ADAM18: variants seen among roughly 807,000 people sequenced by gnomAD.
The protein encoded by ADAM18 is ADAM metallopeptidase domain 18, also known as disintegrin and metalloproteinase domain-containing protein 18.
A neutral mutation model predicts 94.4 loss-of-function variants in ADAM18; 117 were observed. The observed-to-expected ratio is 1.24, with a 90% CI of 1.07 to 1.45. ADAM18 has a LOEUF of 1.45. Ranked by LOEUF, ADAM18 falls within the 40% of genes most tolerant of loss-of-function variation. The probability of loss-of-function intolerance (pLI) is 0.00; values close to 1 mark genes in which losing one functional copy is unlikely to be tolerated. For missense variants in ADAM18, 936 were observed against 880.0 expected (o/e 1.06, Z -0.81); for synonymous variants, 327 against 291.6 (o/e 1.12, Z -1.24).
At chr8:39,647,299 A>G (rs1005681385) in intron 11 of ADAM18, among the ~76,000 whole-genome samples, 4 of 151,962 alleles carry the variant, frequency 2.6e-5, no homozygotes, top group Admixed American at 2.0e-4. Context: ...GAGAGGTACT[A>G]TGCCTGGATG....
chr8:39,656,700 A>G (rs1820693569), intron 12 of ADAM18, among the ~76,000 whole-genome samples: 1 of 152,202 alleles, frequency 6.6e-6, no homozygotes, highest in Non-Finnish European at 1.5e-5. Flanking sequence ...ATGTACTCAG[A>G]TAAAGAATAC....
At chr8:39,635,476 TAAG>T (rs1820051177) in intron 7 of ADAM18, among the ~76,000 whole-genome samples, 1 of 152,172 alleles carries the variant, frequency 6.6e-6, no homozygotes, top group Non-Finnish European at 1.5e-5. Context: ...ACATGAAAGT[TAAG>T]AAACAGTAAA....
At chr8:39,665,281 T>C (rs1405629640) in intron 13 of ADAM18, among the ~76,000 whole-genome samples, 1 of 152,252 alleles carries the variant, frequency 6.6e-6, no homozygotes, top group Admixed American at 6.5e-5. Context: ...TCCTTTATAG[T>C]GACTGCATAT....
chr8:39,707,634 T>C (rs1048048035), intron 18 of ADAM18, among the ~76,000 whole-genome samples: 2 of 152,218 alleles, frequency 1.3e-5, no homozygotes, highest in African/African-American at 4.8e-5. Flanking sequence ...AATAGTTTCC[T>C]TATTAAGGAA....
chr8:39,606,109 A>G (rs1819074785), intron 2 of ADAM18, among the ~76,000 whole-genome samples, 198 bp from the exon 3 acceptor site: 1 of 152,152 alleles, frequency 6.6e-6, no homozygotes, highest in Admixed American at 6.6e-5. Context: ...TATTTTAAAA[A>G]GTCACCCCAC....
chr8:39,719,988 C>T (rs908422441), intron 18 of ADAM18, among the ~76,000 whole-genome samples: 7 of 151,046 alleles, frequency 4.6e-5, no homozygotes, highest in African/African-American at 1.7e-4. Context: ...AATCTGGTAA[C>T]AATGTAAATA....
intron 17 of ADAM18, among the ~76,000 whole-genome samples, chr8:39,701,871 G>A (rs1007157262): frequency 3.7e-4 from 57 of 152,152 alleles, no homozygotes; most frequent in African/African-American, 1.3e-3. Flanking sequence ...ACCACATTTT[G>A]TTTATTAAGT....
At chr8:39,710,116 A>T (rs1210386835) in intron 18 of ADAM18, among the ~76,000 whole-genome samples, 1 of 152,176 alleles carries the variant, frequency 6.6e-6, no homozygotes, top group Non-Finnish European at 1.5e-5. Context: ...GAGATGAGAT[A>T]AAAACACTGG....
At position 39,677,411 on chromosome 8, in the gene ADAM18, T is replaced by G; in HGVS notation, c.1526-20T>G. On this transcript the variant is annotated intron_variant, in intron 14 of 19. Coordinates refer to ENST00000265707, the MANE Select transcript of ADAM18 (RefSeq NM_014237.3). The stretch of plus-strand genomic sequence containing the variant: ...CTCATATTAAGAATGATAATTCAAC[T>G]GACATGTTTGCATTTTAAGGTGCTC... 6.4e-7 allele frequency: 1 copy of G among 1,562,502 alleles called. No individual in the cohort carries two copies. The highest frequency in any genetic ancestry group is 1.2e-5 in the South Asian group (1 of 85,544).
At chr8:39,620,580 G>A (rs1377237528) in intron 6 of ADAM18, among the ~76,000 whole-genome samples, 1 of 145,696 alleles carries the variant, frequency 6.9e-6, no homozygotes, top group Non-Finnish European at 1.5e-5. Context: ...TATTATATAT[G>A]TAATATATAA....
At chr8:39,660,407 C>T (rs995518297) in intron 12 of ADAM18, among the ~76,000 whole-genome samples, 45 of 152,216 alleles carry the variant, frequency 3.0e-4, no homozygotes, top group African/African-American at 1.0e-3. Context: ...GAATGCAAGA[C>T]TATATTTCAT....
intron 2 of ADAM18, among the ~76,000 whole-genome samples, chr8:39,605,358 T>C (rs940043812): frequency 6.6e-6 from 1 of 152,190 alleles, no homozygotes; most frequent in Non-Finnish European, 1.5e-5. Flanking sequence ...TCATGAGCAT[T>C]GTTAGTACCC....
In ADAM18 at chr8:39,665,803, C is replaced by A. The variant is rs147507157; in HGVS notation, c.1326+1913C>A. 6.0e-3 allele frequency among the ~76,000 whole-genome samples: 913 copies of A among 152,126 alleles called. 5 individuals are homozygous for A. Among genetic ancestry groups the A allele is most frequent in the African/African-American group, 0.021 (869 of 41,498 alleles). ...GTAGTGAATAATTCTTATAATAGAA[C>A]ATGATCATATACCATAAAAACAAAA... On this transcript the variant is annotated intron_variant, in intron 13 of 19. Transcript: ENST00000265707.
intron 12 of ADAM18, among the ~76,000 whole-genome samples, chr8:39,652,326 A>G (rs1204630510): frequency 6.6e-6 from 1 of 152,140 alleles, no homozygotes; most frequent in Non-Finnish European, 1.5e-5. Context: ...ATAAAAATAT[A>G]TAAAGAACTC....
chr8:39,692,566 G>A (rs1821811788), intron 16 of ADAM18, 34 bp from the exon 17 acceptor site: 5 of 1,380,928 alleles, frequency 3.6e-6, no homozygotes, highest in Non-Finnish European at 5.0e-6. Flanking sequence ...TATGACATTT[G>A]TGAATTGTAA....
chr8:39,595,135 A>C (rs1042154412), intron 2 of ADAM18, among the ~76,000 whole-genome samples: 2 of 151,972 alleles, frequency 1.3e-5, no homozygotes, highest in Non-Finnish European at 2.9e-5. Context: ...AGATTGGATA[A>C]TTTCTATTAT....
At position 39,706,903 on chromosome 8, in the gene ADAM18, T is replaced by G; in HGVS notation, c.2016T>G (p.Ser672=). The part of the protein sequence containing the change: ...GSIDDGNFQK[S]GDFYTEKGYN... ...TTGATGATGGAAATTTTCAGAAATCTGGTAAGTGGAAATTTGTTTTCTAAA... is the reference window on the plus strand; with the variant it reads ...TTGATGATGGAAATTTTCAGAAATCGGGTAAGTGGAAATTTGTTTTCTAAA... Residue 672 remains serine, a splice_region_variant and synonymous_variant, in exon 18 of 20, where the codon TCT becomes TCG. Transcript: ENST00000265707. 6.5e-7 allele frequency: 1 copy of G among 1,549,674 alleles called. No homozygotes were observed. The highest frequency in any genetic ancestry group is 1.4e-5 in the African/African-American group (1 of 72,850).
chr8:39,706,944 GT>G, intron 18 of ADAM18, 40 bp downstream of exon 18: 1 of 1,197,400 alleles, frequency 8.4e-7, no homozygotes. Context: ...ATAGAAGGTT[GT>G]TTTATATAAA....
At chr8:39,658,731 G>A (rs569321924) in intron 12 of ADAM18, among the ~76,000 whole-genome samples, 38 of 152,244 alleles carry the variant, frequency 2.5e-4, no homozygotes, top group African/African-American at 9.1e-4. Context: ...GGTTGTTTAC[G>A]CTGGTTTCTT....
Sources: gnomAD v4.1 joint callset for allele counts (sites outside exome capture counted in the v4.1 genomes callset) on GRCh38, gnomAD v4.1.1 for gene constraint, MANE v1.5 for transcripts, NCBI Gene and HGNC (gene_info 2026-07-23, HGNC 2026-07-21) for gene names.